Variants in CELF2 observed in about 807,000 individuals in gnomAD.
CELF2 encodes the protein CUG triplet repeat RNA-binding protein 2.
A neutral mutation model predicts 62.6 loss-of-function variants in CELF2; 8 were observed. The observed-to-expected ratio is 0.13, with a 90% confidence interval of 0.07 to 0.23. The LOEUF is 0.23. Among genes scored for constraint, CELF2 ranks in the 10% least tolerant of loss-of-function variants. The pLI is 1.00. For missense variants in CELF2, 333 were observed against 671.0 expected, an observed-to-expected ratio of 0.50 and a Z score of 5.56; for synonymous variants, 258 against 250.0, an observed-to-expected ratio of 1.03 and a Z score of -0.30.
At chr10:11,252,578 C>T (rs990753767) in intron 4 of CELF2, among the ~76,000 whole-genome samples, 7 of 152,182 alleles carry the variant, frequency 4.6e-5, no homozygotes, top group African/African-American at 1.2e-4. Flanking sequence ...GGGTGAGCCC[C>T]GAAACGTTAG....
At chr10:11,072,792 T>C (rs1197860869) in intron 1 of CELF2, among the ~76,000 whole-genome samples, 2 of 151,580 alleles carry the variant, frequency 1.3e-5, no homozygotes, top group African/African-American at 4.9e-5. Context: ...TTGATTGATA[T>C]TCATTTAGGT....
At chr10:10,487,670 G>A in the CELF2 span, among the ~76,000 whole-genome samples, 1 of 152,058 alleles carries the variant, frequency 6.6e-6, no homozygotes, top group African/African-American at 2.4e-5. Flanking sequence ...AGAAGATGTT[G>A]AAATTATACT....
chr10:11,022,319 C>T (rs555996554), intron 1 of CELF2, among the ~76,000 whole-genome samples: 38 of 152,276 alleles, frequency 2.5e-4, no homozygotes, highest in African/African-American at 9.1e-4. Context: ...TATCTTTGAT[C>T]TGGGCAGAGG....
intron 1 of CELF2, among the ~76,000 whole-genome samples, chr10:11,131,086 A>C (rs566915184): frequency 1.3e-5 from 2 of 152,378 alleles, no homozygotes; most frequent in Non-Finnish European, 2.9e-5. Context: ...TTGCAGTTCT[A>C]CTGAAAATAC....
At chr10:10,737,219 C>T in the CELF2 span, among the ~76,000 whole-genome samples, 5 of 152,208 alleles carry the variant, frequency 3.3e-5, no homozygotes, top group South Asian at 4.1e-4. Context: ...TTTAATGGTT[C>T]GCATACTGTC....
intron 1 of CELF2, among the ~76,000 whole-genome samples, chr10:10,902,657 G>T (rs7922636): frequency 0.84 from 127,043 of 152,004 alleles, 53,166 homozygotes; most frequent in South Asian, 0.92. Context: ...TTGTTAGGTT[G>T]ATTTATTATT....
At chr10:10,840,398 G>T (rs149975323) in intron 1 of CELF2, among the ~76,000 whole-genome samples, 11 of 152,124 alleles carry the variant, frequency 7.2e-5, no homozygotes, top group African/African-American at 2.7e-4. Flanking sequence ...AATTTAAGTC[G>T]TTCTAGTAGG....
chr10:10,925,749 C>A (rs1455354925), intron 2 of CELF2, among the ~76,000 whole-genome samples: 1 of 152,078 alleles, frequency 6.6e-6, no homozygotes, highest in Non-Finnish European at 1.5e-5. Context: ...ACCTTGCCAC[C>A]CTCCAAACCG....
intron 1 of CELF2, among the ~76,000 whole-genome samples, chr10:10,866,766 A>G (rs2060400686): frequency 6.6e-6 from 1 of 151,658 alleles, no homozygotes; most frequent in Non-Finnish European, 1.5e-5. Context: ...ACTAAAAACA[A>G]AAAATTAGAT....
At chr10:11,050,643 C>T (rs528403580) in intron 1 of CELF2, among the ~76,000 whole-genome samples, 1 of 152,300 alleles carries the variant, frequency 6.6e-6, no homozygotes, top group East Asian at 1.9e-4. Context: ...CCGTGATCTC[C>T]CATCAGTCCC....
intron 2 of CELF2, among the ~76,000 whole-genome samples, chr10:10,964,738 A>G (rs567951161): frequency 6.6e-6 from 1 of 152,364 alleles, no homozygotes; most frequent in South Asian, 2.1e-4. Context: ...TTTAGACCCA[A>G]CAAAATCCTG....
At chr10:10,547,692 A>T in the CELF2 span, among the ~76,000 whole-genome samples, 541 of 138,098 alleles carry the variant, frequency 3.9e-3, 4 homozygotes, top group African/African-American at 7.4e-3. Flanking sequence ...AGAGAGAGAG[A>T]GTGTGTGTGT....
At chr10:11,277,203 A>G (rs1473871850) in intron 8 of CELF2, among the ~76,000 whole-genome samples, 2 of 152,196 alleles carry the variant, frequency 1.3e-5, no homozygotes, top group Non-Finnish European at 2.9e-5. Context: ...TTCTCCACCA[A>G]TGAAGAAAAG....
chr10:10,700,266 A>G, the CELF2 span, among the ~76,000 whole-genome samples: 1 of 152,188 alleles, frequency 6.6e-6, no homozygotes, highest in Non-Finnish European at 1.5e-5. Flanking sequence ...AGCCCCAGGG[A>G]AGAGGGAAAA....
chr10:11,168,770 G>C (rs957328770), intron 2 of CELF2, among the ~76,000 whole-genome samples: 1 of 152,104 alleles, frequency 6.6e-6, no homozygotes, highest in Non-Finnish European at 1.5e-5. Context: ...CTGTTTAGTC[G>C]TGAGACACAA....
intron 2 of CELF2, among the ~76,000 whole-genome samples, chr10:11,204,316 T>A (rs1269241722): frequency 1.3e-5 from 2 of 152,206 alleles, no homozygotes; most frequent in African/African-American, 4.8e-5. Context: ...CGCATCTCTC[T>A]TAGGCTAGAA....
chr10:10,862,216 C>G (rs2060083212), intron 1 of CELF2, among the ~76,000 whole-genome samples: 1 of 152,204 alleles, frequency 6.6e-6, no homozygotes, highest in Admixed American at 6.5e-5. Context: ...ACCCCAGTGG[C>G]TTAAAACAGT....
chr10:11,288,331 C>T (rs2091847227), intron 8 of CELF2, 87 bp from the exon 9 acceptor site: 5 of 1,532,326 alleles, frequency 3.3e-6, no homozygotes, highest in Non-Finnish European at 4.4e-6. Flanking sequence ...CATCATGTGT[C>T]CTGACGATTT....
rs560551226 is a variant in CELF2 at position 11,247,942 on chromosome 10, G to A, written c.355-1211G>A. ...CTCCTCTGTTCTGAAGACCCAGGCCGGCATTAGGTGCACGTGATCCTGACT... is the reference window on the plus strand; with the variant it reads ...CTCCTCTGTTCTGAAGACCCAGGCCAGCATTAGGTGCACGTGATCCTGACT... On this transcript the variant is annotated intron_variant, in intron 3 of 12. Coordinates refer to ENST00000633077, the MANE Select transcript of CELF2 (RefSeq NM_001326342.2). The surrounding 1 kb of genome is among the most constrained non-coding windows in gnomAD (Gnocchi z 5.4). Among the ~76,000 whole-genome samples, 6 of 152,060 alleles carry A rather than the reference G, an allele frequency of 3.9e-5. No homozygotes were observed. Among genetic ancestry groups the A allele is most frequent in the South Asian group, 2.1e-4 (1 of 4,806 alleles).
Sources: allele counts gnomAD v4.1 joint callset (sites outside exome capture counted in the v4.1 genomes callset), GRCh38; gene constraint gnomAD v4.1.1; non-coding constraint Gnocchi (gnomAD v3.1); transcripts MANE v1.5; gene names NCBI Gene and HGNC (gene_info 2026-07-23, HGNC 2026-07-21).